The following ZNF71 variants were observed in gnomAD, a reference collection of about 807,000 sequenced individuals.
ZNF71 encodes endothelial zinc finger protein induced by tumor necrosis factor alpha.
A neutral mutation model predicts 6.7 loss-of-function variants in ZNF71; 3 were observed. The ratio of observed to expected loss-of-function variants is 0.45; its 90% CI spans 0.20 to 1.16. The LOEUF (loss-of-function observed/expected upper bound fraction) is 1.16, where lower values mean the gene tolerates loss of function less well. Ranked by LOEUF, ZNF71 falls within the 50% of genes most tolerant of loss-of-function variation. ZNF71 has a pLI of 0.25. For synonymous variants in ZNF71, 343 were observed against 311.1 expected (o/e 1.10, Z -1.08); for missense variants, 688 against 728.6 (o/e 0.94, Z 0.64).
chr19:56,609,119 T>C (rs1332928894), intron 2 of ZNF71, among the ~76,000 whole-genome samples: 1 of 152,206 alleles, frequency 6.6e-6, no homozygotes, highest in Non-Finnish European at 1.5e-5. Flanking sequence ...TTTAAACACA[T>C]AAAATGTGTA....
Position 56,613,922 on chromosome 19 carries a change from G to A in ZNF71, c.144G>A (p.Arg48=), listed in dbSNP as rs2044770743. The part of the protein sequence containing the change: ...LYRDVMLENY[R]NLVSLDWETR... ...GGGATGTCATGCTGGAGAACTACAG[G>A]AACCTGGTCTCACTGGGTAAGGGGC... The change falls in exon 3 of 4, where the codon AGG becomes AGA. Residue 48 remains arginine, a synonymous_variant. Transcript: ENST00000599599. This position sits in a 1 kb window ranked among gnomAD's most constrained non-coding sequence, Gnocchi z 4.6. 1 of 1,075,162 alleles carries A rather than the reference G, an allele frequency of 9.3e-7. No individual in the cohort carries two copies. The highest frequency in any genetic ancestry group is 1.2e-6 in the Non-Finnish European group (1 of 869,470). 66.6% of individuals were successfully genotyped at this position (1,075,162 alleles called of 1,614,324 possible). A position where few individuals can be genotyped will look rare whatever the true frequency, so the allele number is the denominator to read the frequency against.
chr19:56,615,360 A>AT (rs1568507497), intron 3 of ZNF71, among the ~76,000 whole-genome samples: 1 of 152,000 alleles, frequency 6.6e-6, no homozygotes, highest in African/African-American at 2.4e-5. Flanking sequence ...CACAAGCTTC[A>AT]TTCTAATTGC....
At position 56,598,953 on chromosome 19, in the gene ZNF71, G is replaced by A. The variant is rs1487647070; in HGVS notation, c.-52-2554G>A. 1.3e-5 allele frequency among the ~76,000 whole-genome samples: 2 copies of A among 152,124 alleles called. No individual in the cohort carries two copies. The highest frequency in any genetic ancestry group is 1.3e-4 in the Admixed American group (2 of 15,268). On this transcript the variant is annotated intron_variant, in intron 1 of 3. Transcript: ENST00000599599. This position sits in a 1 kb window ranked among gnomAD's most constrained non-coding sequence, Gnocchi z 4.2. The stretch of plus-strand genomic sequence containing the variant: ...ACTTGCTTAGAAATACCGATTCAGG[G>A]GCCCTACCCAGGTAGTTTGATTCAG...
intron 2 of ZNF71, chr19:56,610,256 A>C (rs2044741882): frequency 6.6e-6 from 1 of 152,254 alleles, no homozygotes; most frequent in South Asian, 2.1e-4. Context: ...CCAGCTGTGC[A>C]TTCTTACCAG....
Position 56,613,731 on chromosome 19 carries a change from T to A in ZNF71, c.34-81T>A. On this transcript the variant is annotated intron_variant, in intron 2 of 3. Transcript: ENST00000599599. This position sits in a 1 kb window ranked among gnomAD's most constrained non-coding sequence, Gnocchi z 4.6. Reference sequence around the variant, plus strand: ...CTACATCCCATCTGCCTCCCCTAAATCCTCTTGGCTTTTCTGGCCATTCCT... The same window carrying A: ...CTACATCCCATCTGCCTCCCCTAAAACCTCTTGGCTTTTCTGGCCATTCCT... 9.6e-7 allele frequency: 1 copy of A among 1,043,298 alleles called. No individual in the cohort carries two copies. Among genetic ancestry groups the A allele is most frequent in the South Asian group, 3.6e-5 (1 of 27,464 alleles). The allele number at this position is 1,043,298 out of a possible 1,614,324, so 64.6% of individuals were successfully genotyped here. A position where few individuals can be genotyped will look rare whatever the true frequency, so the allele number is the denominator to read the frequency against.
intron 1 of ZNF71, among the ~76,000 whole-genome samples, chr19:56,596,150 C>G (rs2044621056): frequency 6.6e-6 from 1 of 151,916 alleles, no homozygotes; most frequent in Non-Finnish European, 1.5e-5. Context: ...CCATGAGTGT[C>G]TCTGTGGGAG....
chr19:56,620,526 TTTATTTATTTATTTATTTTTTAA>T (rs2044835649), intron 3 of ZNF71, among the ~76,000 whole-genome samples: 1 of 151,970 alleles, frequency 6.6e-6, no homozygotes, highest in Non-Finnish European at 1.5e-5. Flanking sequence ...TTTTTCAATA[TTTATTTATTTATTTATTTTTTAA>T]GAGACAGGGT....
At chr19:56,614,007 A>G in intron 3 of ZNF71, 69 bp downstream of exon 3, 2 of 1,045,176 alleles carry the variant, frequency 1.9e-6, no homozygotes, top group Non-Finnish European at 2.3e-6. Flanking sequence ...AAATTAAAAA[A>G]AAAAAAAGAT....
intron 1 of ZNF71, among the ~76,000 whole-genome samples, chr19:56,596,872 C>T (rs1007558437): frequency 3.3e-5 from 5 of 152,078 alleles, no homozygotes; most frequent in Non-Finnish European, 7.4e-5. Flanking sequence ...AGGGAATCCC[C>T]GCTTGGAAAC....
intron 1 of ZNF71, among the ~76,000 whole-genome samples, chr19:56,599,274 A>G (rs1311997652): frequency 3.3e-5 from 5 of 152,158 alleles, no homozygotes; most frequent in Non-Finnish European, 7.3e-5. Context: ...ATTTGTCCTC[A>G]TCTGTGTCAT....
chr19:56,618,019 G>A lies in ZNF71; in HGVS notation c.161-3249G>A, dbSNP rs1218183828. ...CCCTGGAGACAGTCTTCTCTCCACCGAGTCTACACCCCACACTACCATCTG... is the reference window on the plus strand; with the variant it reads ...CCCTGGAGACAGTCTTCTCTCCACCAAGTCTACACCCCACACTACCATCTG... On this transcript the variant is annotated intron_variant, in intron 3 of 3. Coordinates refer to ENST00000599599, the MANE Select transcript of ZNF71 (RefSeq NM_001370215.1). This position sits in a 1 kb window ranked among gnomAD's most constrained non-coding sequence, Gnocchi z 4.6. Among the ~76,000 whole-genome samples the A allele has an allele frequency of 1.5e-5, 2 of 129,146 alleles. No homozygotes were observed. Among genetic ancestry groups the A allele is most frequent in the Non-Finnish European group, 3.3e-5 (2 of 60,682 alleles). The allele number at this position is 129,146 out of a possible 152,430, so 84.7% of individuals were successfully genotyped here. A position where few individuals can be genotyped will look rare whatever the true frequency, so the allele number is the denominator to read the frequency against.
rs1444574907 is a variant in ZNF71, at chr19:56,621,378, A to G, written c.271A>G (p.Arg91Gly). 3.1e-6 allele frequency: 5 copies of G among 1,602,590 alleles called. No homozygotes were observed. Among genetic ancestry groups the G allele is most frequent in the Non-Finnish European group, 4.3e-6 (5 of 1,173,322 alleles). Residue 91 changes from arginine to glycine, a missense_variant, in exon 4 of 4, where the codon AGG becomes GGG. Physicochemically the swap from Arg to Gly is moderately radical, Grantham distance 125 (BLOSUM62 -2). Transcript: ENST00000599599. ...GGGGGGACCCACGAGGAATGGTGCCAGGGGTCCTGGCTCAGAAGGAGTGTG... is the reference window on the plus strand; with the variant it reads ...GGGGGGACCCACGAGGAATGGTGCCGGGGGTCCTGGCTCAGAAGGAGTGTG... ...ATGGPTRNGA[R>G]GPGSEGVWEP...
At chr19:56,595,985 C>T (rs73934478) in intron 1 of ZNF71, among the ~76,000 whole-genome samples, 20,945 of 139,968 alleles carry the variant, frequency 0.15, 1,853 homozygotes, top group East Asian at 0.33. Flanking sequence ...TGTGTGGTAG[C>T]GTGTGTGTGT....
chr19:56,621,869 C>CT lies in ZNF71; in HGVS notation c.764dup (p.Ser256GlnfsTer346), dbSNP rs1182775229. 7 of 1,611,990 alleles carry CT rather than the reference C, an allele frequency of 4.3e-6. No homozygotes were observed. Among genetic ancestry groups the CT allele is most frequent in the Non-Finnish European group, 5.9e-6 (7 of 1,178,226 alleles). The stretch of plus-strand genomic sequence containing the variant: ...ATGCCTGCGGGGACTGCGGCAAGGC[C>CT]TTCAGCCAGCGCATGAACCTCACTG... On this transcript the variant is annotated frameshift_variant, in exon 4 of 4. Transcript: ENST00000599599. LOFTEE classifies it low-confidence loss of function (END_TRUNC).
chr19:56,605,514 C>T (rs1181327745), intron 2 of ZNF71, among the ~76,000 whole-genome samples: 3 of 152,224 alleles, frequency 2.0e-5, no homozygotes, highest in Non-Finnish European at 4.4e-5. Context: ...CTGAGCCCAT[C>T]AACCCCAAAA....
At chr19:56,616,396 T>C (rs2044791419) in intron 3 of ZNF71, among the ~76,000 whole-genome samples, 1 of 152,212 alleles carries the variant, frequency 6.6e-6, no homozygotes, top group Non-Finnish European at 1.5e-5. Context: ...TGTGTGCCTT[T>C]GCACCAATAC....
chr19:56,621,111 C>T (rs916157275), intron 3 of ZNF71, among the ~76,000 whole-genome samples, 157 bp from the exon 4 acceptor site: 20 of 152,218 alleles, frequency 1.3e-4, no homozygotes, highest in African/African-American at 4.8e-4. Flanking sequence ...CCTCCCTCCT[C>T]CCTCCCTCTC....
chr19:56,596,171 G>T (rs1180893705), intron 1 of ZNF71, among the ~76,000 whole-genome samples: 1 of 152,008 alleles, frequency 6.6e-6, no homozygotes, highest in Non-Finnish European at 1.5e-5. Context: ...GGTGCCCTCT[G>T]GGTGTCCACT....
intron 1 of ZNF71, among the ~76,000 whole-genome samples, chr19:56,597,009 A>T (rs1324385082): frequency 6.6e-6 from 1 of 152,242 alleles, no homozygotes; most frequent in Non-Finnish European, 1.5e-5. Context: ...GGGCCGCTGC[A>T]TGATTTTTAA....
Sources: gnomAD v4.1 joint callset for allele counts (sites outside exome capture counted in the v4.1 genomes callset) on GRCh38, gnomAD v4.1.1 for gene constraint, Gnocchi (gnomAD v3.1) non-coding constraint, MANE v1.5 for transcripts, NCBI Gene and HGNC (gene_info 2026-07-23, HGNC 2026-07-21) for gene names.